Variants in AFG2A observed in about 807,000 individuals in gnomAD.
AFG2A encodes AAA ATPase AFG2A, also known as ATPase family gene 2 protein homolog A.
the AFG2A span, among the ~76,000 whole-genome samples, chr4:123,106,876 G>A: frequency 1.3e-5 from 2 of 152,254 alleles, no homozygotes; most frequent in Non-Finnish European, 2.9e-5. Flanking sequence ...GGCGTGGAGC[G>A]GTGAGGGTTG....
At chr4:123,232,103 G>A in the AFG2A span, among the ~76,000 whole-genome samples, 1 of 151,770 alleles carries the variant, frequency 6.6e-6, no homozygotes, top group African/African-American at 2.4e-5. Context: ...CTCAATGCAG[G>A]GTTGCCACAA....
chr4:122,999,029 T>C, the AFG2A span, among the ~76,000 whole-genome samples: 3 of 151,924 alleles, frequency 2.0e-5, no homozygotes, highest in Admixed American at 6.6e-5. Context: ...TGGTATCTCA[T>C]TGTGGTTTTG....
the AFG2A span, among the ~76,000 whole-genome samples, chr4:123,144,233 G>T: frequency 9.2e-5 from 14 of 152,110 alleles, no homozygotes; most frequent in African/African-American, 3.4e-4. Flanking sequence ...ATTTTGAAAA[G>T]AGCGTGTTCT....
the AFG2A span, among the ~76,000 whole-genome samples, chr4:122,978,683 C>T: frequency 3.0e-4 from 46 of 152,256 alleles, no homozygotes; most frequent in East Asian, 3.1e-3. Context: ...TGCTGAGGGG[C>T]GCTTGCAGGA....
At chr4:123,125,572 C>G in the AFG2A span, among the ~76,000 whole-genome samples, 2 of 152,150 alleles carry the variant, frequency 1.3e-5, no homozygotes, top group Non-Finnish European at 2.9e-5. Flanking sequence ...GACTACTGAA[C>G]AAAATTTAAT....
chr4:122,977,243 C>T, the AFG2A span, among the ~76,000 whole-genome samples: 3 of 152,226 alleles, frequency 2.0e-5, no homozygotes, highest in African/African-American at 7.2e-5. Context: ...CCACTTGGTC[C>T]AGCAGGCTGT....
chr4:123,144,481 G>C, the AFG2A span, among the ~76,000 whole-genome samples: 1 of 151,984 alleles, frequency 6.6e-6, no homozygotes, highest in Non-Finnish European at 1.5e-5. Context: ...ACTGACCTGG[G>C]TGCCAGATGC....
chr4:123,148,045 A>G, the AFG2A span, among the ~76,000 whole-genome samples: 2 of 152,194 alleles, frequency 1.3e-5, no homozygotes, highest in African/African-American at 4.8e-5. Flanking sequence ...GCAGTGTAAA[A>G]TTTCTCAAAG....
At chr4:122,945,169 T>C in the AFG2A span, among the ~76,000 whole-genome samples, 43 of 152,210 alleles carry the variant, frequency 2.8e-4, no homozygotes, top group African/African-American at 9.9e-4. Context: ...TCTTCAAAGC[T>C]GTCAGACAGG....
the AFG2A span, among the ~76,000 whole-genome samples, chr4:122,970,086 T>C: frequency 6.6e-6 from 1 of 152,218 alleles, no homozygotes; most frequent in Admixed American, 6.5e-5. Context: ...TAGAGTATAG[T>C]AATGTCCTGG....
chr4:123,250,679 C>G, the AFG2A span, among the ~76,000 whole-genome samples: 118,112 of 152,134 alleles, frequency 0.78, 46,613 homozygotes, highest in Non-Finnish European at 0.85. Flanking sequence ...TCTTGAATAA[C>G]TTCTCAGAAA....
chr4:123,002,534 T>A, the AFG2A span, among the ~76,000 whole-genome samples: 2 of 152,190 alleles, frequency 1.3e-5, no homozygotes, highest in African/African-American at 4.8e-5. Flanking sequence ...TGCTTGTCTG[T>A]AAAGTGTTTT....
chr4:123,314,008 T>A, the AFG2A span: 2 of 1,610,680 alleles, frequency 1.2e-6, no homozygotes, highest in Non-Finnish European at 1.7e-6. Context: ...AATTCCTGAG[T>A]CATTGAGACG....
the AFG2A span, among the ~76,000 whole-genome samples, chr4:122,982,683 A>G: frequency 6.6e-6 from 1 of 151,912 alleles, no homozygotes; most frequent in Non-Finnish European, 1.5e-5. Context: ...TGGCCTGTTC[A>G]GATTTTCTTT....
chr4:123,182,258 A>T, the AFG2A span, among the ~76,000 whole-genome samples: 14 of 152,338 alleles, frequency 9.2e-5, no homozygotes, highest in Non-Finnish European at 1.8e-4. Flanking sequence ...TGGAGAAAAA[A>T]TTTTAATTTA....
chr4:123,259,792 G>A, the AFG2A span, among the ~76,000 whole-genome samples: 1 of 152,134 alleles, frequency 6.6e-6, no homozygotes, highest in Non-Finnish European at 1.5e-5. Context: ...CAATAACTGG[G>A]CTCATTACCC....
chr4:122,926,330 A>G, the AFG2A span, among the ~76,000 whole-genome samples: 3 of 152,208 alleles, frequency 2.0e-5, no homozygotes, highest in Non-Finnish European at 4.4e-5. Context: ...ATATTATGAG[A>G]TCATCTAACA....
the AFG2A span, among the ~76,000 whole-genome samples, chr4:122,943,144 A>G: frequency 3.8e-3 from 584 of 152,284 alleles, 3 homozygotes; most frequent in Middle Eastern, 0.054. Context: ...GTAGGTGTCT[A>G]TTAGGTCCAC....
chr4:123,226,457 C>G, the AFG2A span, among the ~76,000 whole-genome samples: 2 of 152,154 alleles, frequency 1.3e-5, no homozygotes, highest in Non-Finnish European at 2.9e-5. Context: ...TTTTCTGCAT[C>G]TATTGAGATA....
Sources: gnomAD v4.1 joint callset for allele counts (sites outside exome capture counted in the v4.1 genomes callset) on GRCh38, gnomAD v4.1.1 for gene constraint, MANE v1.5 for transcripts, NCBI Gene and HGNC (gene_info 2026-07-23, HGNC 2026-07-21) for gene names.